NUP160: variants seen among roughly 807,000 people sequenced by gnomAD.
NUP160 encodes nucleoporin 160.
A neutral mutation model predicts 196.9 loss-of-function variants in NUP160; 94 were observed. That is an observed-to-expected ratio of 0.48 (90% CI 0.40 to 0.57). NUP160 has a LOEUF of 0.57. NUP160 is among the 20% of genes least tolerant of loss of function. The probability of loss-of-function intolerance (pLI) is 0.00; values close to 1 mark genes in which losing one functional copy is unlikely to be tolerated. For missense variants in NUP160, 1,638 were observed against 1,748.3 expected (o/e 0.94, Z 1.13); for synonymous variants, 605 against 619.7 (o/e 0.98, Z 0.35).
intron 7 of NUP160, 51 bp from the exon 8 acceptor site, chr11:47,822,215 CT>C: frequency 7.6e-7 from 1 of 1,309,134 alleles, no homozygotes; most frequent in Non-Finnish European, 1.1e-6. Flanking sequence ...CAACATGTTA[CT>C]TTTCGAAGCA....
chr11:47,826,168 A>AAACAAACAAACG (rs1171715983), intron 7 of NUP160, among the ~76,000 whole-genome samples: 4 of 152,136 alleles, frequency 2.6e-5, no homozygotes, highest in Non-Finnish European at 5.9e-5. Flanking sequence ...ACAAACAAAC[A>AAACAAACAAACG]AAAACCCAAC....
intron 7 of NUP160, chr11:47,827,001 C>T: frequency 2.2e-6 from 1 of 455,798 alleles, no homozygotes; most frequent in South Asian, 1.5e-5. Context: ...AACTGAACAC[C>T]CTTTCAAGAG....
rs752739917 is a variant in NUP160 at position 47,806,300 on chromosome 11, T to G, written c.2459A>C (p.Gln820Pro). The change falls in exon 20 of 36, where the codon CAG becomes CCG. Residue 820 changes from glutamine to proline, a missense_variant. Around this residue, in one of 3 missense-constraint regions of NUP160, gnomAD observed 1,345 missense variants for 1,470.2 expected, o/e 0.91. Coordinates refer to ENST00000378460, the Ensembl canonical transcript of NUP160. ...TTGGAAGAATAACTCCACAATAGTCTGAGGACTAGATACTTAAAAAGAAAA... is the reference window on the plus strand; with the variant it reads ...TTGGAAGAATAACTCCACAATAGTCGGAGGACTAGATACTTAAAAAGAAAA... 4 of 1,612,964 alleles carry G rather than the reference T, an allele frequency of 2.5e-6. No homozygotes were observed. The South Asian group carries it at 4.4e-5, about 18-fold the overall frequency.
chr11:47,822,128 G>A (rs746919835), exon 8 of NUP160: 12 of 1,610,684 alleles, frequency 7.5e-6, no homozygotes, highest in African/African-American at 5.3e-5. Context: ...AGACTATAGC[G>A]ATTACTCTCA....
chr11:47,819,414 G>A, exon 10 of NUP160: 3 of 1,613,438 alleles, frequency 1.9e-6, no homozygotes, highest in Admixed American at 3.3e-5. Context: ...CTCTTCCTCT[G>A]GCAGAGGCTG....
At chr11:47,799,491 T>C (rs909407179) in intron 23 of NUP160, among the ~76,000 whole-genome samples, 37 of 152,220 alleles carry the variant, frequency 2.4e-4, no homozygotes, top group African/African-American at 8.4e-4. Flanking sequence ...ATATGTATGA[T>C]ACATCCAAAA....
At chr11:47,803,172 T>C (rs1208736221) in intron 22 of NUP160, among the ~76,000 whole-genome samples, 2 of 147,502 alleles carry the variant, frequency 1.4e-5, no homozygotes, top group African/African-American at 4.9e-5. Context: ...ATAATAATAA[T>C]AATAATAAAA....
chr11:47,792,087 A>G, intron 28 of NUP160, 97 bp from the exon 29 acceptor site: 2 of 819,324 alleles, frequency 2.4e-6, no homozygotes, highest in African/African-American at 1.7e-5. Context: ...AATTTTCTCA[A>G]TGGAAATTAT....
At chr11:47,791,416 G>A (rs765345267) in intron 29 of NUP160, among the ~76,000 whole-genome samples, 1 of 152,054 alleles carries the variant, frequency 6.6e-6, no homozygotes, top group African/African-American at 2.4e-5. Context: ...GTGTGCTCAC[G>A]GCAACCTCTG....
intron 4 of NUP160, among the ~76,000 whole-genome samples, chr11:47,838,948 G>A (rs1852239077): frequency 6.6e-6 from 1 of 151,062 alleles, no homozygotes; most frequent in African/African-American, 2.4e-5. Context: ...AGATTGCAGT[G>A]AGCTGAGATC....
exon 36 of NUP160, chr11:47,778,196 CA>C (rs2097658661): frequency 6.6e-6 from 1 of 151,826 alleles, no homozygotes; most frequent in Non-Finnish European, 1.5e-5. Flanking sequence ...CAAGAAGGGT[CA>C]AAAGGCTATA....
chr11:47,778,869 A>G (rs925554417), exon 36 of NUP160: 1 of 393,440 alleles, frequency 2.5e-6, no homozygotes, highest in Non-Finnish European at 4.6e-6. Flanking sequence ...CTCGTGAATC[A>G]TATACAAAAG....
intron 9 of NUP160, among the ~76,000 whole-genome samples, chr11:47,820,736 G>A (rs566462405): frequency 6.6e-6 from 1 of 152,184 alleles, no homozygotes; most frequent in East Asian, 1.9e-4. Context: ...ATTTTTAGTA[G>A]AGATGGGGTT....
At chr11:47,798,774 G>C (rs1013746529) in intron 23 of NUP160, among the ~76,000 whole-genome samples, 3 of 152,006 alleles carry the variant, frequency 2.0e-5, no homozygotes, top group Non-Finnish European at 4.4e-5. Context: ...AGGTTGCAGT[G>C]AACTTTAATC....
At chr11:47,812,757 T>C (rs2097681911) in intron 15 of NUP160, 125 bp downstream of exon 15, 1 of 695,574 alleles carries the variant, frequency 1.4e-6, no homozygotes, top group Non-Finnish European at 2.3e-6. Flanking sequence ...CTTAGAATCA[T>C]GGCGCATCAG....
At chr11:47,789,830 C>T (rs904213619) in intron 29 of NUP160, among the ~76,000 whole-genome samples, 1 of 151,976 alleles carries the variant, frequency 6.6e-6, no homozygotes, top group Non-Finnish European at 1.5e-5. Context: ...TGAAACTCTG[C>T]ATATAACATT....
intron 21 of NUP160, 27 bp from the exon 22 acceptor site, chr11:47,803,563 A>G (rs1599318253): frequency 1.6e-6 from 2 of 1,254,930 alleles, no homozygotes; most frequent in East Asian, 2.3e-5. Flanking sequence ...GTGCTTTCTG[A>G]TTAGAAAATA....
At chr11:47,812,320 C>T in exon 16 of NUP160, 1 of 1,614,082 alleles carries the variant, frequency 6.2e-7, no homozygotes, top group Admixed American at 1.7e-5. Flanking sequence ...AATCCCTTTT[C>T]CATTTCCACT....
At chr11:47,827,766 G>A (rs1457733265) in intron 7 of NUP160, among the ~76,000 whole-genome samples, 1 of 150,900 alleles carries the variant, frequency 6.6e-6, no homozygotes, top group East Asian at 1.9e-4. Context: ...AGAGGATCTA[G>A]CCAGGACAAT....
Sources: gnomAD v4.1 joint callset for allele counts (sites outside exome capture counted in the v4.1 genomes callset) on GRCh38, gnomAD v4.1.1 for gene constraint, gnomAD v4.1.1 regional missense constraint, MANE v1.5 for transcripts, NCBI Gene and HGNC (gene_info 2026-07-23, HGNC 2026-07-21) for gene names.